Variants in IYD observed in about 807,000 individuals in gnomAD.
IYD encodes iodotyrosine deiodinase.
A neutral mutation model predicts 28.4 loss-of-function variants in IYD; 25 were observed. The observed-to-expected ratio is 0.88, with a 90% CI of 0.64 to 1.23. The LOEUF (loss-of-function observed/expected upper bound fraction) is 1.23, where lower values mean the gene tolerates loss of function less well. Ranked by LOEUF, IYD falls within the 50% of genes most tolerant of loss-of-function variation. The pLI is 0.00. For missense variants in IYD, 352 were observed against 357.9 expected (o/e 0.98, Z 0.13); for synonymous variants, 140 against 130.8 (o/e 1.07, Z -0.48).
chr6:150,381,554 C>G (rs370591736), intron 1 of IYD, among the ~76,000 whole-genome samples: 2 of 152,186 alleles, frequency 1.3e-5, no homozygotes, highest in South Asian at 2.1e-4. Flanking sequence ...ACAATTATCA[C>G]TTAGGTTAAG....
intron 1 of IYD, among the ~76,000 whole-genome samples, chr6:150,370,224 C>A: frequency 6.7e-6 from 1 of 150,284 alleles, no homozygotes; most frequent in South Asian, 2.1e-4. Context: ...TGTGCGCGTG[C>A]GTGTGTGTGT....
chr6:150,391,717 T>C (rs1778125961), intron 2 of IYD, among the ~76,000 whole-genome samples: 1 of 152,176 alleles, frequency 6.6e-6, no homozygotes, highest in African/African-American at 2.4e-5. Context: ...TTTTTGTTTT[T>C]ATTTTTTTGA....
intron 1 of IYD, among the ~76,000 whole-genome samples, chr6:150,383,397 C>A (rs950774765): frequency 6.6e-6 from 1 of 152,148 alleles, no homozygotes; most frequent in Admixed American, 6.5e-5. Flanking sequence ...ATACTCTGGG[C>A]ATTTGAATGC....
chr6:150,392,034 T>TA (rs374109944), intron 2 of IYD, among the ~76,000 whole-genome samples: 1,507 of 144,068 alleles, frequency 0.01, 13 homozygotes, highest in African/African-American at 0.028. Context: ...CGTTTATCCT[T>TA]AAAAAAAAAA....
chr6:150,405,420 ATCT>A lies in IYD; in HGVS notation c.*7187_*7189del, dbSNP rs756245064. On this transcript the variant is annotated 3_prime_UTR_variant, in exon 5 of 5. Coordinates refer to ENST00000344419, the MANE Select transcript of IYD (RefSeq NM_203395.3). Reference sequence around the variant, plus strand: ...TTGGGATGGAGCCTCAAATCCAGAAATCTTCTGTATTAGTCCATTCTCACACTG... The same window carrying A: ...TTGGGATGGAGCCTCAAATCCAGAAATCTGTATTAGTCCATTCTCACACTG... 6.6e-6 allele frequency: 1 copy of A among 152,200 alleles called. No homozygotes were observed. The highest frequency in any genetic ancestry group is 1.5e-5 in the Non-Finnish European group (1 of 68,046). 9.4% of individuals were successfully genotyped at this position (152,200 alleles called of 1,614,324 possible). A position where few individuals can be genotyped will look rare whatever the true frequency, so the allele number is the denominator to read the frequency against.
intron 1 of IYD, among the ~76,000 whole-genome samples, chr6:150,378,435 T>C (rs1777529449): frequency 1.3e-5 from 2 of 152,086 alleles, no homozygotes; most frequent in South Asian, 4.2e-4. Context: ...CGGTGTTTGG[T>C]TTTTTGTCCT....
Position 150,402,709 on chromosome 6 carries a change from C to A in IYD, c.*4472C>A, listed in dbSNP as rs930825155. ...CATAAAGTGGAACTAAGATTGACTT[C>A]TTCCTAGACATCTCTGCCTCTGTCC... On this transcript the variant is annotated 3_prime_UTR_variant, in exon 5 of 5. Transcript: ENST00000344419. 4 of 152,178 alleles carry A rather than the reference C, an allele frequency of 2.6e-5. No homozygotes were observed. Among genetic ancestry groups the A allele is most frequent in the African/African-American group, 7.2e-5 (3 of 41,440 alleles). 9.4% of individuals were successfully genotyped at this position (152,178 alleles called of 1,614,324 possible).
At chr6:150,389,684 G>A in intron 2 of IYD, 141 bp downstream of exon 2, 1 of 760,018 alleles carries the variant, frequency 1.3e-6, no homozygotes, top group Non-Finnish European at 2.3e-6. Context: ...CCCAAATGCT[G>A]AGTGAGTGCC....
chr6:150,384,037 A>G (rs7757225), intron 1 of IYD, among the ~76,000 whole-genome samples: 86,409 of 151,914 alleles, frequency 0.57, 24,966 homozygotes, highest in African/African-American at 0.65. Context: ...TAAAGACACA[A>G]TTTAGGTAGT....
At chr6:150,388,975 T>C (rs763526006) in intron 1 of IYD, among the ~76,000 whole-genome samples, 68 of 152,158 alleles carry the variant, frequency 4.5e-4, no homozygotes, top group Non-Finnish European at 8.5e-4. Flanking sequence ...ATGCTGGGAT[T>C]ATAGGCGTAA....
At chr6:150,394,299 A>G (rs1354126434) in intron 4 of IYD, 44 bp downstream of exon 4, 1 of 1,607,836 alleles carries the variant, frequency 6.2e-7, no homozygotes, top group Admixed American at 1.7e-5. Context: ...TTATTAGAAC[A>G]TTTCAGCTGA....
At chr6:150,387,516 C>T (rs1053146373) in intron 1 of IYD, among the ~76,000 whole-genome samples, 1 of 151,312 alleles carries the variant, frequency 6.6e-6, no homozygotes, top group Non-Finnish European at 1.5e-5. Flanking sequence ...ATCTCAGATG[C>T]TATCTTTTCA....
chr6:150,394,286 G>T (rs773528959), intron 4 of IYD, 31 bp downstream of exon 4: 2 of 1,613,068 alleles, frequency 1.2e-6, no homozygotes, highest in Non-Finnish European at 1.7e-6. Context: ...TTACAGGGTG[G>T]CCTTATTAGA....
chr6:150,390,420 T>A (rs1447136488), intron 2 of IYD, among the ~76,000 whole-genome samples: 1 of 152,148 alleles, frequency 6.6e-6, no homozygotes, highest in South Asian at 2.1e-4. Context: ...TAGGGAAAAA[T>A]TTATTTCTTA....
intron 1 of IYD, among the ~76,000 whole-genome samples, chr6:150,387,115 T>C (rs1156634823): frequency 6.6e-6 from 1 of 152,176 alleles, no homozygotes; most frequent in East Asian, 1.9e-4. Flanking sequence ...TTTACGTAGC[T>C]TACCTGTAGG....
At chr6:150,377,832 T>C (rs1199151687) in intron 1 of IYD, among the ~76,000 whole-genome samples, 1 of 152,232 alleles carries the variant, frequency 6.6e-6, no homozygotes, top group East Asian at 1.9e-4. Context: ...TCATTGGTGT[T>C]GAAAGTCTTT....
intron 1 of IYD, among the ~76,000 whole-genome samples, chr6:150,381,912 A>C (rs1777659526): frequency 6.6e-6 from 1 of 152,206 alleles, no homozygotes; most frequent in Non-Finnish European, 1.5e-5. Context: ...TTTCTAGTTT[A>C]GGACTATTAT....
At chr6:150,383,821 CA>C (rs200426572) in intron 1 of IYD, among the ~76,000 whole-genome samples, 2,235 of 115,954 alleles carry the variant, frequency 0.019, 60 homozygotes, top group African/African-American at 0.072. Context: ...AAAACAAAAA[CA>C]AAAAAAATTA....
chr6:150,387,621 C>G (rs1777925027), intron 1 of IYD, among the ~76,000 whole-genome samples: 1 of 151,894 alleles, frequency 6.6e-6, no homozygotes, highest in African/African-American at 2.4e-5. Context: ...CTTGCCCTTT[C>G]CTCTATATTT....
Sources: allele counts gnomAD v4.1 joint callset (sites outside exome capture counted in the v4.1 genomes callset), GRCh38; gene constraint gnomAD v4.1.1; transcripts MANE v1.5; gene names NCBI Gene and HGNC (gene_info 2026-07-23, HGNC 2026-07-21).